The following GRID2 variants were observed in gnomAD, a reference collection of about 807,000 sequenced individuals.
GRID2 encodes glutamate receptor ionotropic, delta-2.
Under a neutral mutation model 114.8 loss-of-function variants are expected in GRID2, and 33 were observed. The observed-to-expected ratio is 0.29, with a 90% CI of 0.22 to 0.38. The LOEUF (loss-of-function observed/expected upper bound fraction) is 0.38. Among genes scored for constraint, GRID2 ranks in the 10% least tolerant of loss-of-function variants. The probability of loss-of-function intolerance (pLI) is 1.00; values close to 1 mark genes in which losing one functional copy is unlikely to be tolerated. For synonymous variants in GRID2, 505 were observed against 449.9 expected (o/e 1.12, Z -1.55); for missense variants, 1,184 against 1,257.7 (o/e 0.94, Z 0.89).
intron 13 of GRID2, among the ~76,000 whole-genome samples, chr4:93,553,059 T>C (rs1259636656): frequency 6.6e-6 from 1 of 152,152 alleles, no homozygotes; most frequent in Non-Finnish European, 1.5e-5. Context: ...TGGTTCCAAG[T>C]CTTTGCTATT....
intron 10 of GRID2, among the ~76,000 whole-genome samples, chr4:93,439,105 C>T (rs1486265671): frequency 6.6e-6 from 1 of 151,966 alleles, no homozygotes; most frequent in Non-Finnish European, 1.5e-5. Context: ...GGGTTGGTTC[C>T]AAGTCTTTGC....
chr4:92,523,129 G>T (rs1724870684), intron 1 of GRID2, among the ~76,000 whole-genome samples: 1 of 151,960 alleles, frequency 6.6e-6, no homozygotes, highest in Non-Finnish European at 1.5e-5. Flanking sequence ...GATGACTTGA[G>T]AAATACTTTA....
At chr4:92,601,263 A>AT (rs1044528731) in intron 2 of GRID2, among the ~76,000 whole-genome samples, 2 of 152,200 alleles carry the variant, frequency 1.3e-5, no homozygotes, top group African/African-American at 4.8e-5. Context: ...TTACATTAAA[A>AT]TTCATCACAT....
chr4:93,184,507 C>CAA (rs1170737672), intron 4 of GRID2, among the ~76,000 whole-genome samples: 65 of 79,194 alleles, frequency 8.2e-4, no homozygotes, highest in Non-Finnish European at 1.2e-3. Context: ...TATTATTTCT[C>CAA]AAAAAAAAAA....
chr4:93,148,921 G>A (rs1055109513), intron 4 of GRID2, among the ~76,000 whole-genome samples: 2 of 152,124 alleles, frequency 1.3e-5, no homozygotes, highest in Non-Finnish European at 2.9e-5. Context: ...AGTACAAATC[G>A]ATTTCATGTA....
At chr4:93,475,944 G>C (rs1725281228) in intron 11 of GRID2, among the ~76,000 whole-genome samples, 2 of 152,080 alleles carry the variant, frequency 1.3e-5, no homozygotes, top group Admixed American at 6.6e-5. Context: ...GCTTCATGCT[G>C]TTTGACAAAC....
chr4:92,597,605 G>A (rs1197618822), intron 2 of GRID2, among the ~76,000 whole-genome samples: 1 of 152,100 alleles, frequency 6.6e-6, no homozygotes, highest in Admixed American at 6.6e-5. Flanking sequence ...GTAAAGATTT[G>A]TTCTTTTGTT....
chr4:93,598,982 TTTC>T (rs1464499979), intron 13 of GRID2, among the ~76,000 whole-genome samples: 6 of 152,230 alleles, frequency 3.9e-5, no homozygotes, highest in African/African-American at 1.4e-4. Context: ...ATGCTAATTT[TTTC>T]TTTTTAAGTT....
rs1345734008 is a variant in GRID2 at position 93,774,003 on chromosome 4, G to A, written c.*1505G>A. The A allele has an allele frequency of 1.3e-5, 2 of 152,068 alleles. No individual in the cohort carries two copies. The highest frequency in any genetic ancestry group is 2.4e-5 in the African/African-American group (1 of 41,428). 9.4% of individuals were successfully genotyped at this position (152,068 alleles called of 1,614,324 possible). ...TAAGTAGGAAGCAAGAACTTATTCT[G>A]TGTTTTTACGCAGCCATACACTTAC... On this transcript the variant is annotated 3_prime_UTR_variant, in exon 16 of 16. Coordinates refer to ENST00000282020, the MANE Select transcript of GRID2 (RefSeq NM_001510.4).
At chr4:92,687,188 T>G (rs1409056627) in intron 2 of GRID2, among the ~76,000 whole-genome samples, 1 of 151,972 alleles carries the variant, frequency 6.6e-6, no homozygotes, top group African/African-American at 2.4e-5. Flanking sequence ...TTTGATTTTT[T>G]TTTTTTTTCA....
At chr4:93,105,924 T>C (rs1732181217) in intron 3 of GRID2, among the ~76,000 whole-genome samples, 1 of 152,190 alleles carries the variant, frequency 6.6e-6, no homozygotes, top group African/African-American at 2.4e-5. Flanking sequence ...TTGTGTAATC[T>C]AGTATATTCA....
chr4:93,532,278 G>A (rs919023364), intron 13 of GRID2, among the ~76,000 whole-genome samples: 1 of 152,140 alleles, frequency 6.6e-6, no homozygotes, highest in Non-Finnish European at 1.5e-5. Context: ...GCTCTGTAGT[G>A]TAAAGATGTA....
intron 2 of GRID2, among the ~76,000 whole-genome samples, chr4:92,683,096 A>C (rs748823406): frequency 6.6e-6 from 1 of 152,074 alleles, no homozygotes; most frequent in Non-Finnish European, 1.5e-5. Flanking sequence ...TCAGGGGATC[A>C]AGACCATCCT....
Position 92,867,582 on chromosome 4 carries a change from ATT to A in GRID2, c.245-217399_245-217398del, listed in dbSNP as rs34222173. 9.6e-3 allele frequency among the ~76,000 whole-genome samples: 1,372 copies of A among 143,432 alleles called. 15 individuals carry two copies. The highest frequency in any genetic ancestry group is 0.032 in the African/African-American group (1,260 of 39,414). 94.1% of individuals were successfully genotyped at this position (143,432 alleles called of 152,430 possible). A position where few individuals can be genotyped will look rare whatever the true frequency, so the allele number is the denominator to read the frequency against. ...CAGAGAGAAGTTTAGCTGTACTATT[ATT>A]TTTTTTTTTTTTTGCATGTCAAGCT... On this transcript the variant is annotated intron_variant, in intron 2 of 15. Transcript: ENST00000282020.
At chr4:93,479,910 A>G (rs1725685630) in intron 11 of GRID2, among the ~76,000 whole-genome samples, 1 of 152,090 alleles carries the variant, frequency 6.6e-6, no homozygotes, top group South Asian at 2.1e-4. Flanking sequence ...TAGCAAAAAT[A>G]GAGAAATGAC....
intron 2 of GRID2, among the ~76,000 whole-genome samples, chr4:93,019,677 G>C (rs1448943977): frequency 6.6e-6 from 1 of 152,106 alleles, no homozygotes; most frequent in Non-Finnish European, 1.5e-5. Flanking sequence ...TAATGGTCAG[G>C]ATTACATGCC....
chr4:92,446,721 C>A (rs961399695), intron 1 of GRID2, among the ~76,000 whole-genome samples: 4 of 152,176 alleles, frequency 2.6e-5, no homozygotes, highest in African/African-American at 9.7e-5. Context: ...GGAGAACTTA[C>A]ATAGAGTTAC....
rs1390793134 is a variant in GRID2, at chr4:92,304,351, C to T, written c.-306C>T. The T allele has an allele frequency of 2.3e-5, 9 of 395,560 alleles. No homozygotes were observed. Among genetic ancestry groups the T allele is most frequent in the South Asian group, 1.6e-4 (7 of 42,758 alleles). The allele number at this position is 395,560 out of a possible 1,614,324, so 24.5% of individuals were successfully genotyped here. A position where few individuals can be genotyped will look rare whatever the true frequency, so the allele number is the denominator to read the frequency against. ...GTCTGATCTGAGCCCCAGCCTCTCC[C>T]CCTGCCCAAGAGCAGTAGAGGCTGG... On this transcript the variant is annotated 5_prime_UTR_variant, in exon 1 of 16. Coordinates refer to ENST00000282020, the MANE Select transcript of GRID2 (RefSeq NM_001510.4).
intron 4 of GRID2, among the ~76,000 whole-genome samples, chr4:93,201,162 T>G (rs1742068123): frequency 6.6e-6 from 1 of 152,210 alleles, no homozygotes; most frequent in Non-Finnish European, 1.5e-5. Flanking sequence ...TAGTATATAT[T>G]AATATGATTT....
Sources: allele counts gnomAD v4.1 joint callset (sites outside exome capture counted in the v4.1 genomes callset), GRCh38; gene constraint gnomAD v4.1.1; transcripts MANE v1.5; gene names NCBI Gene and HGNC (gene_info 2026-07-23, HGNC 2026-07-21).